Variants in NINJ2 observed in about 807,000 individuals in gnomAD.
NINJ2 encodes the protein ninjurin 2.
Under a neutral mutation model 11.7 loss-of-function variants are expected in NINJ2, and 12 were observed. The observed-to-expected ratio is 1.02, with a 90% CI of 0.66 to 1.66. The LOEUF is 1.66. Among genes scored for constraint, NINJ2 ranks in the 40% most tolerant of loss-of-function variants. The probability of loss-of-function intolerance (pLI) is 0.00; values close to 1 mark genes in which losing one functional copy is unlikely to be tolerated. For synonymous variants in NINJ2, 93 were observed against 76.8 expected (o/e 1.21, Z -1.10); for missense variants, 187 against 181.8 (o/e 1.03, Z -0.16).
chr12:576,659 C>T (rs903679599), intron 1 of NINJ2, among the ~76,000 whole-genome samples: 24 of 152,208 alleles, frequency 1.6e-4, no homozygotes, highest in Admixed American at 3.9e-4. Context: ...ACCCCGGCCT[C>T]CGTGCTCTTT....
At chr12:588,189 AGGGACGGAGGGGACGGAAGGGACGGAG>A (rs1165870681) in intron 1 of NINJ2, among the ~76,000 whole-genome samples, 1 of 135,986 alleles carries the variant, frequency 7.4e-6, no homozygotes, top group Non-Finnish European at 1.6e-5. Context: ...AAGGGACGGA[AGGGACGGAGGGGACGGAAGGGACGGAG>A]GGGACGGAAG....
intron 1 of NINJ2, among the ~76,000 whole-genome samples, chr12:617,786 C>T (rs140267582): frequency 2.0e-5 from 3 of 152,200 alleles, no homozygotes; most frequent in Middle Eastern, 3.4e-3. Flanking sequence ...TGTTGGGCAG[C>T]GAGGTCAGGG....
chr12:594,343 A>G (rs1947755639), intron 1 of NINJ2, among the ~76,000 whole-genome samples: 2 of 152,252 alleles, frequency 1.3e-5, no homozygotes, highest in Admixed American at 6.5e-5. Flanking sequence ...ACACAATGCC[A>G]TTACATTAGT....
chr12:623,094 A>G (rs559017739), intron 1 of NINJ2, among the ~76,000 whole-genome samples: 1 of 152,334 alleles, frequency 6.6e-6, no homozygotes, highest in Admixed American at 6.5e-5. Context: ...GCATGCACTC[A>G]GGTGGAATAT....
chr12:647,707 G>T (rs1937709233), intron 1 of NINJ2, among the ~76,000 whole-genome samples: 1 of 152,166 alleles, frequency 6.6e-6, no homozygotes, highest in South Asian at 2.1e-4. Context: ...ATTTAAGTAA[G>T]ACCTTAGTAT....
intron 1 of NINJ2, among the ~76,000 whole-genome samples, chr12:655,241 T>C (rs1565650236): frequency 6.6e-6 from 1 of 152,212 alleles, no homozygotes; most frequent in Non-Finnish European, 1.5e-5. Flanking sequence ...TCCCAGTCTT[T>C]GCTAGGAAGT....
chr12:587,456 G>T (rs570472065), intron 1 of NINJ2, among the ~76,000 whole-genome samples: 2 of 152,240 alleles, frequency 1.3e-5, no homozygotes, highest in Non-Finnish European at 2.9e-5. Flanking sequence ...TTGCACAGCT[G>T]CCTAAGGACA....
rs991266748 is a variant in NINJ2 at position 585,666 on chromosome 12, G to A, written c.34-19488C>T. On this transcript the variant is annotated intron_variant, in intron 1 of 3. Transcript: ENST00000305108. The surrounding 1 kb of genome is among the most constrained non-coding windows in gnomAD (Gnocchi z 4.1). Reference sequence around the variant, plus strand: ...AAGCACCCACTGTGTGCAATGTCCTGAACTCTGTGCTGAGATGATAGCTCT... The same window carrying A: ...AAGCACCCACTGTGTGCAATGTCCTAAACTCTGTGCTGAGATGATAGCTCT... Among the ~76,000 whole-genome samples the A allele has an allele frequency of 6.6e-6, 1 of 151,928 alleles. No individual in the cohort carries two copies. The highest frequency in any genetic ancestry group is 2.4e-5 in the African/African-American group (1 of 41,426).
intron 1 of NINJ2, among the ~76,000 whole-genome samples, chr12:577,416 C>CATATATATATATATATAT (rs536829310): frequency 8.2e-6 from 1 of 121,236 alleles, no homozygotes; most frequent in African/African-American, 3.1e-5. Context: ...ACACTAGTCT[C>CATATATATATATATATAT]ATATATATAT....
At chr12:594,675 C>G (rs2535385) in intron 1 of NINJ2, among the ~76,000 whole-genome samples, 115,650 of 152,104 alleles carry the variant, frequency 0.76, 44,087 homozygotes, top group Middle Eastern at 0.79. Context: ...AAGGAAGAAA[C>G]AAAACAACTG....
At chr12:605,407 A>G (rs1311067453) in intron 1 of NINJ2, among the ~76,000 whole-genome samples, 3 of 152,196 alleles carry the variant, frequency 2.0e-5, no homozygotes, top group Admixed American at 2.0e-4. Flanking sequence ...GGAAAAGACT[A>G]CCTTGGGGCT....
At chr12:634,329 G>T (rs925768045) in intron 1 of NINJ2, among the ~76,000 whole-genome samples, 1 of 128,832 alleles carries the variant, frequency 7.8e-6, no homozygotes, top group Admixed American at 9.8e-5. Flanking sequence ...GCACGATCTC[G>T]GCTCACTGCA....
chr12:648,602 C>A (rs1228157832), intron 1 of NINJ2, among the ~76,000 whole-genome samples: 1 of 152,148 alleles, frequency 6.6e-6, no homozygotes, highest in Non-Finnish European at 1.5e-5. Context: ...GATAGAGGTC[C>A]AGGAAAGGCC....
chr12:592,741 T>C (rs965576543), intron 1 of NINJ2, among the ~76,000 whole-genome samples: 2 of 152,200 alleles, frequency 1.3e-5, no homozygotes, highest in Non-Finnish European at 2.9e-5. Context: ...TTTGGTTAGT[T>C]GTAAGAAGCA....
intron 1 of NINJ2, among the ~76,000 whole-genome samples, chr12:599,077 G>A (rs749593558): frequency 4.5e-4 from 68 of 151,612 alleles, no homozygotes; most frequent in Non-Finnish European, 8.1e-4. Flanking sequence ...AATAAATAAA[G>A]CACAAATTTG....
chr12:613,531 C>T (rs1448735988), intron 1 of NINJ2, among the ~76,000 whole-genome samples: 2 of 152,126 alleles, frequency 1.3e-5, no homozygotes, highest in Admixed American at 6.5e-5. Flanking sequence ...ATTGCTTGAA[C>T]TTAGGAGGCA....
At chr12:645,229 A>G (rs763297225) in intron 1 of NINJ2, 19 of 152,174 alleles carry the variant, frequency 1.2e-4, no homozygotes, top group African/African-American at 3.6e-4. Flanking sequence ...CCAGACAGAC[A>G]TGGGTACGGG....
At chr12:609,789 A>AAAAGAG (rs71439346) in intron 1 of NINJ2, among the ~76,000 whole-genome samples, 1 of 116,628 alleles carries the variant, frequency 8.6e-6, no homozygotes, top group Non-Finnish European at 1.8e-5. Flanking sequence ...AAAAAAAAAT[A>AAAAGAG]GGGAAAACAA....
intron 1 of NINJ2, among the ~76,000 whole-genome samples, chr12:597,426 G>A (rs1003440569): frequency 6.6e-6 from 1 of 152,194 alleles, no homozygotes; most frequent in South Asian, 2.1e-4. Flanking sequence ...GATTTCCACT[G>A]TTTACCCAGG....
Sources: allele counts gnomAD v4.1 joint callset (sites outside exome capture counted in the v4.1 genomes callset), GRCh38; gene constraint gnomAD v4.1.1; non-coding constraint Gnocchi (gnomAD v3.1); transcripts MANE v1.5; gene names NCBI Gene and HGNC (gene_info 2026-07-23, HGNC 2026-07-21).